The following MYO1E variants were observed in gnomAD, a reference collection of about 807,000 sequenced individuals.
The protein encoded by MYO1E is myosin IE.
In MYO1E, 68 loss-of-function variants were observed where a neutral mutation model predicts 151.1. The observed-to-expected ratio is 0.45, with a 90% CI of 0.37 to 0.55. The LOEUF (loss-of-function observed/expected upper bound fraction) is 0.55. Among genes scored for constraint, MYO1E ranks in the 20% least tolerant of loss-of-function variants. The pLI, the probability that MYO1E is intolerant of heterozygous loss-of-function variation, is 0.00. For synonymous variants in MYO1E, 601 were observed against 501.7 expected (o/e 1.20, Z -2.64); for missense variants, 1,363 against 1,389.3 (o/e 0.98, Z 0.30).
intron 6 of MYO1E, among the ~76,000 whole-genome samples, chr15:59,230,851 A>G (rs893537432): frequency 6.6e-6 from 1 of 152,240 alleles, no homozygotes; most frequent in Admixed American, 6.5e-5. Flanking sequence ...AATCAGCCTC[A>G]CAGATGGCTC....
intron 1 of MYO1E, chr15:59,348,933 G>A (rs2080808961): frequency 6.6e-6 from 1 of 152,228 alleles, no homozygotes; most frequent in Admixed American, 6.5e-5. Context: ...ACGCAGCCGA[G>A]TTCAATATCT....
chr15:59,297,392 T>A (rs1460942876), intron 1 of MYO1E, among the ~76,000 whole-genome samples: 4 of 142,516 alleles, frequency 2.8e-5, no homozygotes, highest in Non-Finnish European at 6.1e-5. Flanking sequence ...TGCCTCAGCC[T>A]CCTGAGTAGC....
At chr15:59,198,891 T>C (rs1253301544) in intron 16 of MYO1E, among the ~76,000 whole-genome samples, 1 of 151,904 alleles carries the variant, frequency 6.6e-6, no homozygotes, top group Admixed American at 6.6e-5. Context: ...ATGCCTGTAC[T>C]TCCTCTGTCA....
chr15:59,162,648 G>GA (rs1217244778), intron 23 of MYO1E, among the ~76,000 whole-genome samples: 53 of 65,170 alleles, frequency 8.1e-4, no homozygotes, highest in Admixed American at 1.5e-3. Flanking sequence ...GCCATCTCAA[G>GA]AAAAAAAAAA....
chr15:59,216,184 C>T (rs2079913114), intron 10 of MYO1E, among the ~76,000 whole-genome samples: 2 of 152,056 alleles, frequency 1.3e-5, no homozygotes, highest in South Asian at 4.1e-4. Context: ...TGACTAGGGT[C>T]CTTCTAGCTT....
chr15:59,228,594 A>C (rs1596375572), intron 6 of MYO1E, among the ~76,000 whole-genome samples: 1 of 151,908 alleles, frequency 6.6e-6, no homozygotes, highest in East Asian at 1.9e-4. Flanking sequence ...TCCTGTGCTT[A>C]GAAACTTAAG....
intron 27 of MYO1E, among the ~76,000 whole-genome samples, chr15:59,137,759 G>C (rs531454469): frequency 2.0e-5 from 3 of 152,296 alleles, no homozygotes; most frequent in Admixed American, 6.5e-5. Context: ...CGTTTCTGGG[G>C]ACAGCCCCTA....
At chr15:59,302,540 T>C (rs1289306054) in intron 1 of MYO1E, among the ~76,000 whole-genome samples, 1 of 152,188 alleles carries the variant, frequency 6.6e-6, no homozygotes, top group African/African-American at 2.4e-5. Flanking sequence ...AAGTTCTGTG[T>C]CTAGGACTCA....
rs191294151 is a variant in MYO1E, at chr15:59,321,800, C to T, written c.4-49351G>A. On this transcript the variant is annotated intron_variant, in intron 1 of 27. Transcript: ENST00000288235. The stretch of plus-strand genomic sequence containing the variant: ...GCTGACCTGGGAGAATCTCTTGAGC[C>T]CAGGAGGTTGAGCCGAGATCACACC... Among the ~76,000 whole-genome samples the T allele has an allele frequency of 2.4e-4, 36 of 151,532 alleles. No homozygotes were observed. In the East Asian group the frequency reaches 6.4e-3, roughly 27 times the overall value.
At chr15:59,224,504 C>T (rs558854561) in intron 8 of MYO1E, among the ~76,000 whole-genome samples, 185 bp downstream of exon 8, 4 of 152,276 alleles carry the variant, frequency 2.6e-5, no homozygotes, top group African/African-American at 9.6e-5. Flanking sequence ...ATTAAGTGGT[C>T]CTCAGGCAAC....
At position 59,259,041 on chromosome 15, in the gene MYO1E, C is replaced by T. The variant is rs1220853569; in HGVS notation, c.237+2379G>A. On this transcript the variant is annotated intron_variant, in intron 3 of 27. Coordinates refer to ENST00000288235, the MANE Select transcript of MYO1E (RefSeq NM_004998.4). ...TGAACTCCTGGGCTCCAGTGATCCT[C>T]CCACCTTGGCTTCCCAATGTGCTGG... Among the ~76,000 whole-genome samples the T allele has an allele frequency of 2.0e-5, 3 of 151,872 alleles. No homozygotes were observed. The East Asian group carries it at 5.8e-4, about 29-fold the overall frequency.
chr15:59,156,993 T>G (rs1259040683), intron 25 of MYO1E, among the ~76,000 whole-genome samples: 1 of 151,514 alleles, frequency 6.6e-6, no homozygotes, highest in Non-Finnish European at 1.5e-5. Flanking sequence ...GAGGCCAAGG[T>G]GGGATGACTG....
At chr15:59,184,505 C>G (rs1469657075) in intron 18 of MYO1E, among the ~76,000 whole-genome samples, 1 of 151,364 alleles carries the variant, frequency 6.6e-6, no homozygotes, top group Non-Finnish European at 1.5e-5. Context: ...GCATTACAGG[C>G]ATGGGACACC....
rs192283097 is a variant in MYO1E at position 59,283,962 on chromosome 15, G to A, written c.4-11513C>T. On this transcript the variant is annotated intron_variant, in intron 1 of 27. Coordinates refer to ENST00000288235, the MANE Select transcript of MYO1E (RefSeq NM_004998.4). The stretch of plus-strand genomic sequence containing the variant: ...TACTTGTATTATCCTTTTTTTTACA[G>A]AAGAAAAAGAAGTACCACGTGGTAA... Among the ~76,000 whole-genome samples, 699 of 152,202 alleles carry A rather than the reference G, an allele frequency of 4.6e-3. 6 individuals carry two copies. The highest frequency in any genetic ancestry group is 0.023 in the South Asian group (113 of 4,832).
intron 1 of MYO1E, among the ~76,000 whole-genome samples, chr15:59,313,223 A>G (rs1357789209): frequency 6.6e-6 from 1 of 152,212 alleles, no homozygotes; most frequent in African/African-American, 2.4e-5. Context: ...TCTTGATATA[A>G]CCCAAATGGG....
At chr15:59,312,640 G>C (rs1197759639) in intron 1 of MYO1E, among the ~76,000 whole-genome samples, 1 of 151,978 alleles carries the variant, frequency 6.6e-6, no homozygotes, top group Middle Eastern at 3.2e-3. Context: ...CTGGGATTAG[G>C]CGAGAACACC....
chr15:59,178,237 C>A (rs2079637046), intron 19 of MYO1E, among the ~76,000 whole-genome samples, 156 bp downstream of exon 19: 1 of 152,124 alleles, frequency 6.6e-6, no homozygotes, highest in Non-Finnish European at 1.5e-5. Context: ...TAGGGAAGGA[C>A]CCACTTAGAC....
chr15:59,224,706 C>G lies in MYO1E; in HGVS notation c.760G>C (p.Glu254Gln), dbSNP rs1334791328. The stretch of plus-strand genomic sequence containing the variant: ...GCACTTACCAGAGTTTCCTGAAACT[C>G]CCGCCTGTCGTCAATGTCATCAACC... ...YKVDDIDDRR[E>Q]FQETLHAMNV... Residue 254 changes from glutamate (E) to glutamine (Q), a missense_variant, in exon 8 of 28, where the codon GAG becomes CAG. Glu to Gln is a conservative substitution (Grantham distance 29). Transcript: ENST00000288235. 5 of 1,613,304 alleles carry G rather than the reference C, an allele frequency of 3.1e-6. No individual in the cohort carries two copies. Among genetic ancestry groups the G allele is most frequent in the Non-Finnish European group, 4.2e-6 (5 of 1,179,284 alleles).
At chr15:59,281,621 T>A (rs1216582752) in intron 1 of MYO1E, among the ~76,000 whole-genome samples, 1 of 151,914 alleles carries the variant, frequency 6.6e-6, no homozygotes, top group Non-Finnish European at 1.5e-5. Context: ...CAATCTTTCC[T>A]AAACCTCAGT....
Sources: allele counts gnomAD v4.1 joint callset (sites outside exome capture counted in the v4.1 genomes callset), GRCh38; gene constraint gnomAD v4.1.1; transcripts MANE v1.5; gene names NCBI Gene and HGNC (gene_info 2026-07-23, HGNC 2026-07-21).